The following NBAS variants were observed in gnomAD, a reference collection of about 807,000 sequenced individuals.
The protein encoded by NBAS is NBAS subunit of NRZ tethering complex, also known as NAG/BC035112 fusion.
In NBAS, 219 loss-of-function variants were observed where a neutral mutation model predicts 302.5. The observed-to-expected ratio is 0.72, with a 90% CI of 0.65 to 0.81. NBAS has a LOEUF of 0.81. NBAS is among the 30% of genes least tolerant of loss of function. NBAS has a pLI of 0.00. For synonymous variants in NBAS, 1,118 were observed against 1,021.6 expected, an observed-to-expected ratio of 1.09 and a Z score of -1.80; for missense variants, 2,932 against 2,841.6, an observed-to-expected ratio of 1.03 and a Z score of -0.72.
chr2:15,182,462 T>C (rs2125123968), intron 50 of NBAS, among the ~76,000 whole-genome samples: 1 of 152,318 alleles, frequency 6.6e-6, no homozygotes, highest in Admixed American at 6.5e-5. Context: ...GGCTCAACCC[T>C]GATAGAGAAC....
At chr2:14,981,232 T>C in the NBAS span, among the ~76,000 whole-genome samples, 31 of 152,292 alleles carry the variant, frequency 2.0e-4, no homozygotes, top group African/African-American at 6.5e-4. Flanking sequence ...CAGGGATTAG[T>C]GTATGATCTT....
intron 21 of NBAS, 128 bp downstream of exon 21, chr2:15,461,050 AGGACCATTTACAATAACTTAATT>A (rs1341390366): frequency 1.4e-6 from 1 of 739,384 alleles, no homozygotes; most frequent in Non-Finnish European, 2.1e-6. Context: ...TTTTGGCTTC[AGGACCATTTACAATAACTTAATT>A]TTTTATCAGG....
chr2:15,527,099 G>GAAAA (rs55822372), intron 9 of NBAS, among the ~76,000 whole-genome samples: 15 of 137,470 alleles, frequency 1.1e-4, no homozygotes, highest in African/African-American at 3.6e-4. Context: ...AGGGACAAGA[G>GAAAA]AAAAAAAAAA....
chr2:14,805,095 T>A, the NBAS span, among the ~76,000 whole-genome samples: 1 of 152,108 alleles, frequency 6.6e-6, no homozygotes, highest in African/African-American at 2.4e-5. Context: ...AAAGACTGAG[T>A]CATTATCCGC....
At chr2:15,472,126 C>T (rs1030997236) in intron 16 of NBAS, among the ~76,000 whole-genome samples, 1 of 152,136 alleles carries the variant, frequency 6.6e-6, no homozygotes, top group African/African-American at 2.4e-5. Context: ...CCCTCAAAGC[C>T]AGCTCTGTGG....
At chr2:14,789,693 A>G in the NBAS span, among the ~76,000 whole-genome samples, 2 of 152,322 alleles carry the variant, frequency 1.3e-5, no homozygotes, top group South Asian at 2.1e-4. Flanking sequence ...TAATTTTGCA[A>G]GATTGGAGGG....
the NBAS span, among the ~76,000 whole-genome samples, chr2:14,875,585 C>T: frequency 2.6e-5 from 4 of 152,094 alleles, no homozygotes; most frequent in South Asian, 8.4e-4. Flanking sequence ...CACTGCACTC[C>T]AGTCTGGGTG....
chr2:15,226,155 G>A (rs191258195), intron 47 of NBAS, among the ~76,000 whole-genome samples: 18 of 152,316 alleles, frequency 1.2e-4, no homozygotes, highest in African/African-American at 3.8e-4. Context: ...ATACCTCTCT[G>A]AGCTTCATTT....
chr2:15,373,858 C>G (rs1674601636), intron 31 of NBAS, among the ~76,000 whole-genome samples: 1 of 152,126 alleles, frequency 6.6e-6, no homozygotes, highest in African/African-American at 2.4e-5. Context: ...TACAAGGAAG[C>G]CAGCCAAGCA....
chr2:15,210,224 A>T (rs1666343822), intron 48 of NBAS, among the ~76,000 whole-genome samples: 3 of 152,206 alleles, frequency 2.0e-5, no homozygotes, highest in Admixed American at 1.3e-4. Flanking sequence ...CAAACTACTC[A>T]TCTGACAAGG....
chr2:15,440,596 G>C (rs1678327125), intron 21 of NBAS, among the ~76,000 whole-genome samples: 1 of 152,348 alleles, frequency 6.6e-6, no homozygotes, highest in Admixed American at 6.5e-5. Flanking sequence ...CTCAAAAGCA[G>C]AGCAACTCTC....
At chr2:14,844,362 C>CT in the NBAS span, among the ~76,000 whole-genome samples, 2 of 152,230 alleles carry the variant, frequency 1.3e-5, no homozygotes, top group South Asian at 4.2e-4. Flanking sequence ...CTCATAATGA[C>CT]TAAAGAGTCC....
chr2:15,009,693 C>CATATATATATATATATATATAT, the NBAS span, among the ~76,000 whole-genome samples: 21 of 126,566 alleles, frequency 1.7e-4, no homozygotes, highest in Non-Finnish European at 3.1e-4. Context: ...TGTAGGAATG[C>CATATATATATATATATATATAT]ATATATATAT....
chr2:14,903,693 A>G, the NBAS span, among the ~76,000 whole-genome samples: 1 of 152,246 alleles, frequency 6.6e-6, no homozygotes, highest in Non-Finnish European at 1.5e-5. Flanking sequence ...CAAAAACCAC[A>G]CAACTGTTTT....
At chr2:15,463,143 A>G (rs1167361882) in intron 19 of NBAS, among the ~76,000 whole-genome samples, 1 of 152,054 alleles carries the variant, frequency 6.6e-6, no homozygotes, top group Non-Finnish European at 1.5e-5. Context: ...GCATGGTGCC[A>G]TGTATCTGTA....
At chr2:15,532,751 T>C (rs1663283563) in intron 9 of NBAS, among the ~76,000 whole-genome samples, 2 of 152,020 alleles carry the variant, frequency 1.3e-5, no homozygotes, top group South Asian at 4.1e-4. Context: ...AAGCAAGAAG[T>C]TGGGTGGAGG....
At chr2:15,216,343 G>C (rs1012405915) in intron 48 of NBAS, among the ~76,000 whole-genome samples, 2 of 152,184 alleles carry the variant, frequency 1.3e-5, no homozygotes, top group African/African-American at 4.8e-5. Context: ...ACTTGTATTA[G>C]AGTCATTCAG....
In NBAS at chr2:15,461,262, G is replaced by T. The variant is rs559288361; in HGVS notation, c.2278C>A (p.Leu760Met). Residue 760 changes from leucine to methionine, a missense_variant, in exon 21 of 52, where the codon CTG (leucine) becomes ATG (methionine). Leu to Met is a conservative substitution (Grantham distance 15). Transcript: ENST00000281513. The part of the protein sequence containing the change: ...SDLLPHRLAI[L>M]SNFPETTSPH... ...GAAGTGGTCTCTGGAAAGTTGGACA[G>T]AATTGCAAGGCGATGAGGAAGCAGG... The T allele has an allele frequency of 6.2e-7, 1 of 1,613,704 alleles. No individual in the cohort carries two copies. The highest frequency in any genetic ancestry group is 1.7e-5 in the Admixed American group (1 of 60,018).
At chr2:14,823,733 T>C in the NBAS span, among the ~76,000 whole-genome samples, 1 of 152,192 alleles carries the variant, frequency 6.6e-6, no homozygotes, top group Non-Finnish European at 1.5e-5. Flanking sequence ...AAAAGTTGCT[T>C]TTTTTTCCTA....
Sources: allele counts gnomAD v4.1 joint callset (sites outside exome capture counted in the v4.1 genomes callset), GRCh38; gene constraint gnomAD v4.1.1; transcripts MANE v1.5; gene names NCBI Gene and HGNC (gene_info 2026-07-23, HGNC 2026-07-21).